The following C22orf42 variants were observed in gnomAD, a reference collection of about 807,000 sequenced individuals.
C22orf42 encodes the protein uncharacterized protein C22orf42.
A neutral mutation model predicts 31.4 loss-of-function variants in C22orf42; 24 were observed. The ratio of observed to expected loss-of-function variants is 0.77; its 90% CI spans 0.55 to 1.08. The LOEUF (loss-of-function observed/expected upper bound fraction) is 1.08, where lower values mean the gene tolerates loss of function less well. Among genes scored for constraint, C22orf42 ranks in the 50% least tolerant of loss-of-function variants. The pLI, the probability that C22orf42 is intolerant of heterozygous loss-of-function variation, is 0.00. For synonymous variants in C22orf42, 96 were observed against 112.7 expected, an observed-to-expected ratio of 0.85 and a Z score of 0.94; for missense variants, 276 against 327.3, an observed-to-expected ratio of 0.84 and a Z score of 1.21.
chr22:32,149,994 TA>T (rs1430161021), intron 7 of C22orf42: 1 of 481,508 alleles, frequency 2.1e-6, no homozygotes, highest in East Asian at 3.3e-5. Flanking sequence ...AACACAAAAT[TA>T]TTTTTCAAGA....
chr22:32,150,422 G>A lies in C22orf42; in HGVS notation c.551C>T (p.Ser184Leu), dbSNP rs202224361. The A allele has an allele frequency of 5.0e-5, 80 of 1,613,908 alleles. No individual in the cohort carries two copies. Among genetic ancestry groups the A allele is most frequent in the Admixed American group, 2.8e-4 (17 of 60,010 alleles). Reference protein sequence around the residue: ...LSVCLEDFMTSDLSESLSVSL... With the variant: ...LSVCLEDFMTLDLSESLSVSL... ...GACAGATAGGCTTTCACTGAGATCC[G>A]ATGTCATGAAGTCTTCAAGACAGAC... Residue 184 changes from serine to leucine, a missense_variant, in exon 7 of 9, where the codon TCG becomes TTG. Coordinates refer to ENST00000382097, the MANE Select transcript of C22orf42 (RefSeq NM_001010859.3).
At chr22:32,158,253 C>G (rs5998265) in intron 1 of C22orf42, among the ~76,000 whole-genome samples, 2,244 of 152,300 alleles carry the variant, frequency 0.015, 58 homozygotes, top group African/African-American at 0.051. Context: ...GGACACATCA[C>G]ACTTTCCCTT....
Position 32,159,057 on chromosome 22 carries a change from C to G in C22orf42, c.159G>C (p.Leu53Phe). The G allele has an allele frequency of 6.2e-7, 1 of 1,614,186 alleles. No homozygotes were observed. The highest frequency in any genetic ancestry group is 8.5e-7 in the Non-Finnish European group (1 of 1,180,038). Reference sequence around the variant, plus strand: ...GCATGAGTTGGGCCTTCTTAGCTTTCAAATCCAATTTGGCAGGCTTTGCAG... The same window carrying G: ...GCATGAGTTGGGCCTTCTTAGCTTTGAAATCCAATTTGGCAGGCTTTGCAG... ...STTAKPAKLD[L>F]KAKKAQLMQY... The change falls in exon 1 of 9, where the codon TTG (leucine) becomes TTC (phenylalanine). Residue 53 changes from leucine (L) to phenylalanine (F), a missense_variant. By Grantham distance (22) the Leu-to-Phe change is conservative (BLOSUM62 0). Transcript: ENST00000382097.
At chr22:32,153,571 T>A (rs141720062) in intron 2 of C22orf42, among the ~76,000 whole-genome samples, 4,654 of 152,236 alleles carry the variant, frequency 0.031, 116 homozygotes, top group African/African-American at 0.11. Flanking sequence ...CAATGATTAA[T>A]ATCTTTTCAA....
Position 32,151,577 on chromosome 22 carries a change from G to A in C22orf42, c.401-26C>T, listed in dbSNP as rs201625750. On this transcript the variant is annotated intron_variant, in intron 4 of 8. Coordinates refer to ENST00000382097, the MANE Select transcript of C22orf42 (RefSeq NM_001010859.3). ...CTAGGAGAACACAGAGTGACAGTCA[G>A]TGCATTGGTGCTGCTGAGGAATCCC... 2,882 of 1,610,004 alleles carry A rather than the reference G, an allele frequency of 1.8e-3. 3 individuals carry two copies. Among genetic ancestry groups the A allele is most frequent in the Non-Finnish European group, 2.2e-3 (2,582 of 1,176,232 alleles).
intron 3 of C22orf42, 107 bp from the exon 4 acceptor site, chr22:32,152,201 A>G (rs1221223668): frequency 2.9e-6 from 4 of 1,356,806 alleles, no homozygotes; most frequent in African/African-American, 1.5e-5. Flanking sequence ...CGGATGTGAA[A>G]CAGTGATCAA....
chr22:32,149,512 G>A lies in C22orf42; in HGVS notation c.*28C>T. 3.3e-6 allele frequency: 5 copies of A among 1,512,584 alleles called. No individual in the cohort carries two copies. Among genetic ancestry groups the A allele is most frequent in the Non-Finnish European group, 4.5e-6 (5 of 1,123,026 alleles). 93.7% of individuals were successfully genotyped at this position (1,512,584 alleles called of 1,614,324 possible). A position where few individuals can be genotyped will look rare whatever the true frequency, so the allele number is the denominator to read the frequency against. On this transcript the variant is annotated 3_prime_UTR_variant, in exon 9 of 9. Coordinates refer to ENST00000382097, the MANE Select transcript of C22orf42 (RefSeq NM_001010859.3). The stretch of plus-strand genomic sequence containing the variant: ...TGATTTGAGCTGGGCGTGATGGCAG[G>A]CGTCTGTAATCCCAGCTACTTGGAA...
rs762836579 is a variant in C22orf42, at chr22:32,150,452, A to G, written c.521T>C (p.Leu174Pro). 2 of 1,614,188 alleles carry G rather than the reference A, an allele frequency of 1.2e-6. No individual in the cohort carries two copies. Among genetic ancestry groups the G allele is most frequent in the South Asian group, 2.2e-5 (2 of 91,088 alleles). ...CATGAAGTCTTCAAGACAGACAGAT[A>G]GGCTTTCACTGAGATCTTCGACCAA... ...HHLVEDLSESLSVCLEDFMTS... is the reference protein window; with the variant it reads ...HHLVEDLSESPSVCLEDFMTS... Residue 174 changes from leucine to proline, a missense_variant, in exon 7 of 9, where the codon CTA becomes CCA. Leu to Pro is a moderately conservative substitution (Grantham distance 98). Transcript: ENST00000382097.
At chr22:32,152,349 C>A (rs1340766030) in intron 3 of C22orf42, among the ~76,000 whole-genome samples, 1 of 152,140 alleles carries the variant, frequency 6.6e-6, no homozygotes, top group Non-Finnish European at 1.5e-5. Context: ...GAGAAATACA[C>A]TCACTACCAA....
upstream of C22orf42, chr22:32,159,791 GTGA>G (rs1194485578): frequency 6.3e-6 from 1 of 159,312 alleles, no homozygotes; most frequent in Non-Finnish European, 1.4e-5. Context: ...TCGATAAAGC[GTGA>G]TGACTGCGAC....
intron 1 of C22orf42, among the ~76,000 whole-genome samples, chr22:32,155,369 G>C (rs560403545): frequency 2.0e-5 from 3 of 152,208 alleles, no homozygotes; most frequent in African/African-American, 7.2e-5. Context: ...ATGATGCACA[G>C]TCTGGGATTT....
At position 32,149,547 on chromosome 22, in the gene C22orf42, C is replaced by T. The variant is rs1056931980; in HGVS notation, c.749G>A (p.Arg250Gln). The T allele has an allele frequency of 1.2e-5, 18 of 1,532,186 alleles. No homozygotes were observed. The highest frequency in any genetic ancestry group is 2.5e-5 in the South Asian group (2 of 81,394). 94.9% of individuals were successfully genotyped at this position (1,532,186 alleles called of 1,614,324 possible). Residue 250 changes from arginine (R) to glutamine (Q), a missense_variant, in exon 9 of 9, where the codon CGG becomes CAG. Coordinates refer to ENST00000382097, the MANE Select transcript of C22orf42 (RefSeq NM_001010859.3). ...PISSQVLGLL[R>Q]L is the part of the protein sequence containing the mutation. ...TCCCAGCTACTTGGAACACTAAAGC[C>T]GGAGAAGTCCTAGAACCTGGCTGCT...
At chr22:32,149,651 AT>A (rs67058393) in intron 8 of C22orf42, 38 bp from the exon 9 acceptor site, 100,495 of 1,050,218 alleles carry the variant, frequency 0.096, 2,952 homozygotes, top group African/African-American at 0.13. Context: ...CAAAAAAAAA[AT>A]ATATATATAT....
chr22:32,149,528 C>T lies in C22orf42; in HGVS notation c.*12G>A. ...TGATGGCAGGCGTCTGTAATCCCAGCTACTTGGAACACTAAAGCCGGAGAA... is the reference window on the plus strand; with the variant it reads ...TGATGGCAGGCGTCTGTAATCCCAGTTACTTGGAACACTAAAGCCGGAGAA... On this transcript the variant is annotated 3_prime_UTR_variant, in exon 9 of 9. Transcript: ENST00000382097. 1 of 1,527,812 alleles carries T rather than the reference C, an allele frequency of 6.5e-7. No individual in the cohort carries two copies. The highest frequency in any genetic ancestry group is 1.4e-5 in the African/African-American group (1 of 72,654). The allele number at this position is 1,527,812 out of a possible 1,614,324, so 94.6% of individuals were successfully genotyped here. A position where few individuals can be genotyped will look rare whatever the true frequency, so the allele number is the denominator to read the frequency against.
intron 7 of C22orf42, 99 bp downstream of exon 7, chr22:32,150,220 T>C (rs898679792): frequency 8.1e-6 from 10 of 1,231,736 alleles, no homozygotes; most frequent in Non-Finnish European, 1.2e-5. Context: ...ATTTGTCTTC[T>C]ATAATATACA....
chr22:32,153,874 A>T (rs75877859), intron 2 of C22orf42, among the ~76,000 whole-genome samples: 1 of 143,222 alleles, frequency 7.0e-6, no homozygotes, highest in Non-Finnish European at 1.5e-5. Flanking sequence ...AAAAAAAAAA[A>T]TTAGCTTGGT....
chr22:32,152,263 GT>G lies in C22orf42; in HGVS notation c.373-170del, dbSNP rs1921005752. On this transcript the variant is annotated intron_variant, in intron 3 of 8. Transcript: ENST00000382097. ...AGGATGCTTGTGGAAAATGCAGTGG[GT>G]TTTTTGGAATATTTAGCAAGTCTAT... 2.0e-5 allele frequency among the ~76,000 whole-genome samples: 3 copies of G among 152,226 alleles called. No individual in the cohort carries two copies. The South Asian group carries it at 6.2e-4, about 32-fold the overall frequency.
At chr22:32,151,457 T>G in intron 5 of C22orf42, 30 bp downstream of exon 5, 1 of 1,606,502 alleles carries the variant, frequency 6.2e-7, no homozygotes, top group East Asian at 2.2e-5. Context: ...CAAAAAGCAT[T>G]TCTCTTCCAG....
chr22:32,153,078 AGT>A (rs368173002), intron 2 of C22orf42, among the ~76,000 whole-genome samples: 523 of 152,334 alleles, frequency 3.4e-3, no homozygotes, highest in Non-Finnish European at 5.7e-3. Flanking sequence ...TTAATTATTA[AGT>A]GTGCATTTTA....
Sources: gnomAD v4.1 joint callset for allele counts (sites outside exome capture counted in the v4.1 genomes callset) on GRCh38, gnomAD v4.1.1 for gene constraint, MANE v1.5 for transcripts, NCBI Gene and HGNC (gene_info 2026-07-23, HGNC 2026-07-21) for gene names.